The following CTNNA3 variants were observed in gnomAD, a reference collection of about 807,000 sequenced individuals.
CTNNA3 encodes the protein catenin alpha 3.
Under a neutral mutation model 95.7 loss-of-function variants are expected in CTNNA3, and 76 were observed. The ratio of observed to expected loss-of-function variants is 0.79; its 90% confidence interval spans 0.66 to 0.96. CTNNA3 has a LOEUF of 0.96. CTNNA3 is among the 40% of genes least tolerant of loss of function. The probability of loss-of-function intolerance (pLI) is 0.00; values close to 1 mark genes in which losing one functional copy is unlikely to be tolerated. For synonymous variants in CTNNA3, 431 were observed against 374.4 expected, an observed-to-expected ratio of 1.15 and a Z score of -1.74; for missense variants, 1,191 against 1,089.8, an observed-to-expected ratio of 1.09 and a Z score of -1.31.
chr10:67,607,826 AC>A (rs1843332306), intron 2 of CTNNA3, among the ~76,000 whole-genome samples: 2 of 152,136 alleles, frequency 1.3e-5, no homozygotes, highest in South Asian at 4.2e-4. Flanking sequence ...CTCTTCAACT[AC>A]CCCAGTCATC....
At chr10:66,399,230 T>G (rs1406364639) in intron 11 of CTNNA3, among the ~76,000 whole-genome samples, 1 of 151,884 alleles carries the variant, frequency 6.6e-6, no homozygotes, top group Non-Finnish European at 1.5e-5. Context: ...TGAGTTAAAA[T>G]TGACTGTGAA....
intron 12 of CTNNA3, among the ~76,000 whole-genome samples, chr10:66,368,866 A>T (rs1273455779): frequency 6.6e-6 from 1 of 152,104 alleles, no homozygotes; most frequent in Admixed American, 6.6e-5. Context: ...GGGAATTTGT[A>T]TAACCTTTCT....
At chr10:66,669,888 A>G (rs1035326625) in intron 9 of CTNNA3, among the ~76,000 whole-genome samples, 3 of 152,212 alleles carry the variant, frequency 2.0e-5, no homozygotes, top group Non-Finnish European at 4.4e-5. Flanking sequence ...AGGTTCATAA[A>G]TGCTGTCAGC....
At chr10:67,184,693 A>G (rs956618937) in intron 6 of CTNNA3, among the ~76,000 whole-genome samples, 1 of 152,196 alleles carries the variant, frequency 6.6e-6, no homozygotes, top group African/African-American at 2.4e-5. Flanking sequence ...TACTAAAATG[A>G]GTTACCCACT....
chr10:66,405,521 A>G (rs779408963), intron 11 of CTNNA3, among the ~76,000 whole-genome samples: 1 of 152,124 alleles, frequency 6.6e-6, no homozygotes, highest in Non-Finnish European at 1.5e-5. Context: ...GACCCCCATC[A>G]TTGCCATTTG....
chr10:66,137,210 C>G (rs1564688119), intron 13 of CTNNA3, among the ~76,000 whole-genome samples: 1 of 152,108 alleles, frequency 6.6e-6, no homozygotes, highest in Non-Finnish European at 1.5e-5. Context: ...CAAACCACTG[C>G]TTTGACGTGA....
chr10:66,049,414 C>T (rs1035157819), intron 15 of CTNNA3, among the ~76,000 whole-genome samples: 4 of 152,098 alleles, frequency 2.6e-5, no homozygotes, highest in Admixed American at 1.3e-4. Flanking sequence ...AACTACCATT[C>T]GGCTCAGCAA....
chr10:66,259,692 T>C (rs12774002), intron 13 of CTNNA3, among the ~76,000 whole-genome samples: 81,891 of 152,038 alleles, frequency 0.54, 23,435 homozygotes, highest in African/African-American at 0.74. Context: ...TGTGGCTATC[T>C]TAAGATTATT....
At chr10:66,893,502 G>A (rs930882719) in intron 7 of CTNNA3, among the ~76,000 whole-genome samples, 4 of 151,522 alleles carry the variant, frequency 2.6e-5, no homozygotes, top group African/African-American at 9.7e-5. Flanking sequence ...AAACTTTCTA[G>A]GGGAGACAGG....
chr10:66,615,977 G>A (rs1844495827), intron 10 of CTNNA3, among the ~76,000 whole-genome samples: 1 of 151,958 alleles, frequency 6.6e-6, no homozygotes, highest in Non-Finnish European at 1.5e-5. Context: ...AATATAAAAT[G>A]TTTACTTTTT....
At chr10:66,703,729 C>T (rs563291910) in intron 9 of CTNNA3, among the ~76,000 whole-genome samples, 1 of 152,260 alleles carries the variant, frequency 6.6e-6, no homozygotes, top group African/African-American at 2.4e-5. Context: ...CATGCCAGCA[C>T]AGTTATTGTC....
intron 6 of CTNNA3, among the ~76,000 whole-genome samples, chr10:67,184,071 A>G (rs1862716957): frequency 6.6e-6 from 1 of 152,212 alleles, no homozygotes; most frequent in Admixed American, 6.5e-5. Context: ...AATGAGCACA[A>G]GTATTATTGT....
intron 1 of CTNNA3, among the ~76,000 whole-genome samples, chr10:67,725,748 G>T (rs1589581581): frequency 6.6e-6 from 1 of 151,660 alleles, no homozygotes; most frequent in Non-Finnish European, 1.5e-5. Flanking sequence ...AATGTTAGAG[G>T]TTGGTTCTAG....
chr10:67,389,260 C>A (rs1358988485), intron 5 of CTNNA3, among the ~76,000 whole-genome samples: 9 of 150,498 alleles, frequency 6.0e-5, no homozygotes, highest in Non-Finnish European at 1.3e-4. Context: ...GGGTTGCAAT[C>A]CTAGTCTCTG....
At chr10:67,617,643 A>C (rs1843695543) in intron 2 of CTNNA3, among the ~76,000 whole-genome samples, 1 of 152,202 alleles carries the variant, frequency 6.6e-6, no homozygotes, top group African/African-American at 2.4e-5. Context: ...ACTGGGTCAA[A>C]TGGTAGTTGT....
At chr10:67,417,199 A>G (rs1483971095) in intron 5 of CTNNA3, among the ~76,000 whole-genome samples, 2 of 152,194 alleles carry the variant, frequency 1.3e-5, no homozygotes, top group Non-Finnish European at 2.9e-5. Flanking sequence ...ATGGAGGAAC[A>G]TATAACCAAA....
intron 7 of CTNNA3, among the ~76,000 whole-genome samples, chr10:66,970,502 T>G (rs895307102): frequency 5.1e-5 from 7 of 138,606 alleles, no homozygotes; most frequent in African/African-American, 5.3e-5. Context: ...TATTCTTGGG[T>G]GGGGGGGGGA....
At position 66,263,521 on chromosome 10, in the gene CTNNA3, T is replaced by A. The variant is rs1242173107; in HGVS notation, c.1884+16949A>T. ...CAGTCATTGTCAGGGTATCAGAGTA[T>A]CTTTTGTTTTCCTTTATTATATTGT... On this transcript the variant is annotated intron_variant, in intron 13 of 17. Coordinates refer to ENST00000433211, the MANE Select transcript of CTNNA3 (RefSeq NM_013266.4). Among the ~76,000 whole-genome samples the A allele has an allele frequency of 2.0e-5, 3 of 152,130 alleles. No individual in the cohort carries two copies. The East Asian group carries it at 5.8e-4, about 29-fold the overall frequency.
intron 7 of CTNNA3, among the ~76,000 whole-genome samples, chr10:67,037,787 G>A (rs1854155429): frequency 6.6e-6 from 1 of 152,118 alleles, no homozygotes; most frequent in African/African-American, 2.4e-5. Context: ...CAAATACATG[G>A]ATGGTAGTTA....
Sources: gnomAD v4.1 joint callset for allele counts (sites outside exome capture counted in the v4.1 genomes callset) on GRCh38, gnomAD v4.1.1 for gene constraint, MANE v1.5 for transcripts, NCBI Gene and HGNC (gene_info 2026-07-23, HGNC 2026-07-21) for gene names.